The following SRGAP1 variants were observed in gnomAD, a reference collection of about 807,000 sequenced individuals.
SRGAP1 encodes SLIT-ROBO Rho GTPase-activating protein 1.
SRGAP1 carries 43 observed loss-of-function variants against 121.9 expected under a neutral mutation model. The observed-to-expected ratio is 0.35, with a 90% CI of 0.28 to 0.46. The LOEUF is 0.46. SRGAP1 is among the 20% of genes least tolerant of loss of function. The probability of loss-of-function intolerance (pLI) is 1.00; values close to 1 mark genes in which losing one functional copy is unlikely to be tolerated. For missense variants in SRGAP1, 1,102 were observed against 1,350.9 expected, an observed-to-expected ratio of 0.82 and a Z score of 2.89; for synonymous variants, 447 against 485.4, an observed-to-expected ratio of 0.92 and a Z score of 1.04.
Position 64,142,471 on chromosome 12 carries a change from C to G in SRGAP1, c.3057C>G (p.Ser1019Arg), listed in dbSNP as rs1270825670. Residue 1019 changes from serine to arginine, a missense_variant, in exon 22 of 22, where the codon AGC becomes AGG. By Grantham distance (110) the Ser-to-Arg change is moderately radical (BLOSUM62 -1). Around this residue, in one of 3 missense-constraint regions of SRGAP1, gnomAD observed 315 missense variants for 343.1 expected, o/e 0.92. Transcript: ENST00000355086. ...LSPLHNVALRSSEPQIRRSTS... is the reference protein window; with the variant it reads ...LSPLHNVALRRSEPQIRRSTS... Reference sequence around the variant, plus strand: ...CTTTGCACAACGTTGCCCTCAGGAGCTCCGAGCCTCAGATTCGACGTAGCA... The same window carrying G: ...CTTTGCACAACGTTGCCCTCAGGAGGTCCGAGCCTCAGATTCGACGTAGCA... 1.9e-6 allele frequency: 3 copies of G among 1,614,040 alleles called. No homozygotes were observed. The highest frequency in any genetic ancestry group is 3.3e-5 in the Admixed American group (2 of 60,004).
intron 4 of SRGAP1, among the ~76,000 whole-genome samples, chr12:64,036,399 T>C (rs968994401): frequency 2.0e-5 from 3 of 152,126 alleles, no homozygotes; most frequent in Admixed American, 1.3e-4. Flanking sequence ...CTTGCAGAAA[T>C]TCAGCTACAG....
intron 1 of SRGAP1, among the ~76,000 whole-genome samples, chr12:63,974,787 C>T (rs1592996551): frequency 2.0e-5 from 3 of 152,162 alleles, no homozygotes; most frequent in Admixed American, 2.0e-4. Flanking sequence ...TGGAAAGTTA[C>T]ATTTGGTTCA....
Position 64,095,221 on chromosome 12 carries a change from C to T in SRGAP1, c.1678+17C>T. 1 of 1,608,458 alleles carries T rather than the reference C, an allele frequency of 6.2e-7. No individual in the cohort carries two copies. The highest frequency in any genetic ancestry group is 8.5e-7 in the Non-Finnish European group (1 of 1,176,348). ...TTGAGAGAGGTAATTGCACGTCTATCCCTATAAGCAAACCACGTTGAAAAG... is the reference window on the plus strand; with the variant it reads ...TTGAGAGAGGTAATTGCACGTCTATTCCTATAAGCAAACCACGTTGAAAAG... On this transcript the variant is annotated intron_variant, in intron 14 of 21. Coordinates refer to ENST00000355086, the MANE Select transcript of SRGAP1 (RefSeq NM_020762.4).
intron 3 of SRGAP1, among the ~76,000 whole-genome samples, chr12:64,005,809 T>C (rs1158704827): frequency 6.6e-6 from 1 of 152,160 alleles, no homozygotes; most frequent in Non-Finnish European, 1.5e-5. Flanking sequence ...TCTTCCCTTT[T>C]TATTTTTTCT....
At chr12:64,142,167 C>A in intron 21 of SRGAP1, 128 bp from the exon 22 acceptor site, 1 of 909,334 alleles carries the variant, frequency 1.1e-6, no homozygotes, top group Non-Finnish European at 1.7e-6. Context: ...ACATATTCTG[C>A]AGACTATGGA....
chr12:63,855,220 G>T (rs1334085822), intron 1 of SRGAP1, among the ~76,000 whole-genome samples: 1 of 152,066 alleles, frequency 6.6e-6, no homozygotes. Flanking sequence ...AAGTATTTCA[G>T]TGTTTCAGCT....
intron 11 of SRGAP1, among the ~76,000 whole-genome samples, chr12:64,088,708 C>G (rs1173598381): frequency 1.3e-5 from 2 of 152,230 alleles, no homozygotes; most frequent in African/African-American, 4.8e-5. Context: ...GTTCCTCTCA[C>G]AACTTGCATG....
At chr12:64,110,342 C>G (rs1457334436) in intron 16 of SRGAP1, among the ~76,000 whole-genome samples, 2 of 152,154 alleles carry the variant, frequency 1.3e-5, no homozygotes, top group Admixed American at 6.5e-5. Flanking sequence ...GTTCTCAAAA[C>G]CTGAACCTAA....
chr12:63,844,807 C>T lies in SRGAP1; in HGVS notation c.-10C>T. 6.2e-7 allele frequency: 1 copy of T among 1,614,132 alleles called. No individual in the cohort carries two copies. Among genetic ancestry groups the T allele is most frequent in the Non-Finnish European group, 8.5e-7 (1 of 1,179,996 alleles). Reference sequence around the variant, plus strand: ...TTGCCCATTGAAAGCAAACCCGGAACAGCTGGATAATGTCCACCCCGAGCC... The same window carrying T: ...TTGCCCATTGAAAGCAAACCCGGAATAGCTGGATAATGTCCACCCCGAGCC... On this transcript the variant is annotated 5_prime_UTR_variant, in exon 1 of 22. Coordinates refer to ENST00000355086, the MANE Select transcript of SRGAP1 (RefSeq NM_020762.4). This position sits in a 1 kb window ranked among gnomAD's most constrained non-coding sequence, Gnocchi z 4.3.
intron 3 of SRGAP1, among the ~76,000 whole-genome samples, chr12:64,000,275 T>TGTGTGTG (rs1555163998): frequency 6.7e-5 from 9 of 133,354 alleles, no homozygotes; most frequent in Non-Finnish European, 6.5e-5. Context: ...TGTGTGTGTG[T>TGTGTGTG]AAAAAAAAAA....
At chr12:63,955,043 C>T (rs1472698492) in intron 1 of SRGAP1, among the ~76,000 whole-genome samples, 1 of 152,142 alleles carries the variant, frequency 6.6e-6, no homozygotes, top group Non-Finnish European at 1.5e-5. Flanking sequence ...AAAGGCCCGG[C>T]GCGGTGGCTC....
chr12:64,055,555 A>T (rs1436427431), intron 6 of SRGAP1, among the ~76,000 whole-genome samples: 14 of 151,288 alleles, frequency 9.3e-5, no homozygotes, highest in Admixed American at 2.6e-4. Context: ...AGTCAATCCT[A>T]AGCCAAAAGA....
intron 8 of SRGAP1, among the ~76,000 whole-genome samples, chr12:64,073,138 G>A (rs1180145899): frequency 6.6e-6 from 1 of 152,102 alleles, no homozygotes; most frequent in Admixed American, 6.5e-5. Flanking sequence ...TATGTCAGAA[G>A]CTCGTGTTAC....
chr12:64,080,952 C>T (rs916662244), intron 10 of SRGAP1: 1 of 162,528 alleles, frequency 6.2e-6, no homozygotes, highest in Non-Finnish European at 1.4e-5. Flanking sequence ...AAGGCTTTCT[C>T]TGTGCCAGGC....
At chr12:64,014,992 T>C (rs890171641) in intron 3 of SRGAP1, among the ~76,000 whole-genome samples, 2 of 152,062 alleles carry the variant, frequency 1.3e-5, no homozygotes, top group African/African-American at 4.8e-5. Flanking sequence ...AATTTTTGTA[T>C]GTTCAATAGA....
At chr12:64,094,805 T>C in intron 12 of SRGAP1, 127 bp from the exon 13 acceptor site, 2 of 838,304 alleles carry the variant, frequency 2.4e-6, no homozygotes, top group Non-Finnish European at 3.9e-6. Context: ...GCCTTAAATG[T>C]ATTTAACTTG....
intron 1 of SRGAP1, among the ~76,000 whole-genome samples, chr12:63,932,687 A>G (rs544028567): frequency 6.6e-6 from 1 of 152,382 alleles, no homozygotes; most frequent in South Asian, 2.1e-4. Context: ...AGAGTTTACT[A>G]GTCTGCAGAA....
intron 1 of SRGAP1, among the ~76,000 whole-genome samples, chr12:63,913,069 T>C (rs555798778): frequency 3.4e-4 from 52 of 152,186 alleles, no homozygotes; most frequent in African/African-American, 9.9e-4. Context: ...GATCTGCCTC[T>C]TCTTCTCCCT....
At chr12:63,946,148 A>G (rs969409568) in intron 1 of SRGAP1, among the ~76,000 whole-genome samples, 1 of 152,194 alleles carries the variant, frequency 6.6e-6, no homozygotes, top group Non-Finnish European at 1.5e-5. Context: ...TATGAAATGG[A>G]GGTCTTTGTA....
Sources: allele counts gnomAD v4.1 joint callset (sites outside exome capture counted in the v4.1 genomes callset), GRCh38; gene constraint gnomAD v4.1.1; regional missense constraint gnomAD v4.1.1; non-coding constraint Gnocchi (gnomAD v3.1); transcripts MANE v1.5; gene names NCBI Gene and HGNC (gene_info 2026-07-23, HGNC 2026-07-21).